The following UPF3A variants were observed in gnomAD, a reference collection of about 807,000 sequenced individuals.
The protein encoded by UPF3A is UPF3A regulator of nonsense mediated mRNA decay.
Under a neutral mutation model 53.5 loss-of-function variants are expected in UPF3A, and 42 were observed. The ratio of observed to expected loss-of-function variants is 0.78; its 90% CI spans 0.61 to 1.01. UPF3A has a LOEUF of 1.01. Among genes scored for constraint, UPF3A ranks in the 50% least tolerant of loss-of-function variants. The pLI is 0.00. For missense variants in UPF3A, 575 were observed against 598.0 expected (o/e 0.96, Z 0.40); for synonymous variants, 237 against 225.3 (o/e 1.05, Z -0.47).
Position 114,281,848 on chromosome 13 carries a change from T to C in UPF3A, c.207+2T>C, listed in dbSNP as rs1594736201. The C allele has an allele frequency of 8.8e-6, 12 of 1,370,530 alleles. No individual in the cohort carries two copies. The highest frequency in any genetic ancestry group is 1.2e-5 in the Non-Finnish European group (12 of 1,042,632). 84.9% of individuals were successfully genotyped at this position (1,370,530 alleles called of 1,614,324 possible). A position where few individuals can be genotyped will look rare whatever the true frequency, so the allele number is the denominator to read the frequency against. On this transcript the variant is annotated splice_donor_variant, in intron 1 of 9. Transcript: ENST00000375299. LOFTEE classifies it high-confidence loss of function. ...GAGAAGAGGACGGCCCTGAGCAAGGTGGGGACGGGGGCGGGGCGCGCAAAC... is the reference window on the plus strand; with the variant it reads ...GAGAAGAGGACGGCCCTGAGCAAGGCGGGGACGGGGGCGGGGCGCGCAAAC...
At chr13:114,299,524 T>C (rs559371372) in intron 8 of UPF3A, among the ~76,000 whole-genome samples, 1 of 152,390 alleles carries the variant, frequency 6.6e-6, no homozygotes, top group Non-Finnish European at 1.5e-5. Context: ...CTCCTCTGGC[T>C]GTGGATCTTG....
At chr13:114,283,776 TCTC>T (rs1452880642) in intron 3 of UPF3A, 1 of 985,600 alleles carries the variant, frequency 1.0e-6, no homozygotes, top group Non-Finnish European at 1.2e-6. Context: ...TTCCTTCTCT[TCTC>T]CTGTCAGGCT....
intron 3 of UPF3A, among the ~76,000 whole-genome samples, chr13:114,284,724 A>G (rs1404696264): frequency 3.3e-5 from 5 of 151,762 alleles, no homozygotes; most frequent in African/African-American, 1.2e-4. Context: ...CACAAAATTT[A>G]TACCATACTG....
At chr13:114,295,442 G>GCGTGCTCCCCAGCTCGTCTCCAGCGGC (rs1340172230) in intron 7 of UPF3A, among the ~76,000 whole-genome samples, 1 of 46,862 alleles carries the variant, frequency 2.1e-5, no homozygotes, top group Non-Finnish European at 4.4e-5. Context: ...TGGCCTGCTG[G>GCGTGCTCCCCAGCTCGTCTCCAGCGGC]TTTCTCATGA....
In UPF3A at chr13:114,300,931, G is replaced by A. The variant is rs113187827; in HGVS notation, c.1008-800G>A. On this transcript the variant is annotated intron_variant, in intron 8 of 9. Transcript: ENST00000375299. ...CTCAAATGATCTGCCTGCCCCTGGCGTCCCAGAGTGCTGGGATTACAGGCA... is the reference window on the plus strand; with the variant it reads ...CTCAAATGATCTGCCTGCCCCTGGCATCCCAGAGTGCTGGGATTACAGGCA... Among the ~76,000 whole-genome samples, 200 of 149,888 alleles carry A rather than the reference G, an allele frequency of 1.3e-3. 2 individuals carry two copies. The highest frequency in any genetic ancestry group is 2.5e-3 in the Non-Finnish European group (166 of 67,720).
chr13:114,298,713 T>C, intron 7 of UPF3A, 127 bp from the exon 8 acceptor site: 1 of 977,240 alleles, frequency 1.0e-6, no homozygotes, highest in Non-Finnish European at 1.4e-6. Flanking sequence ...TTTGGACCTT[T>C]AGCTTTAATT....
chr13:114,291,814 C>CT, intron 7 of UPF3A, 22 bp downstream of exon 7: 1 of 1,564,412 alleles, frequency 6.4e-7, no homozygotes. Flanking sequence ...GAAACATTTC[C>CT]TTTTTCCAAA....
intron 7 of UPF3A, among the ~76,000 whole-genome samples, chr13:114,297,449 T>G (rs1404774148): frequency 6.6e-6 from 1 of 152,210 alleles, no homozygotes; most frequent in African/African-American, 2.4e-5. Context: ...TTTTTTTTCC[T>G]TATTACAAAA....
rs917678399 is a variant in UPF3A, at chr13:114,282,364, T to C, written c.314+237T>C. On this transcript the variant is annotated intron_variant, in intron 2 of 9. Transcript: ENST00000375299. The stretch of plus-strand genomic sequence containing the variant: ...GGATGATTTTCAGACGGCTAACGCT[T>C]AGGAAAGCGGGTGCCTTTGAAAGGA... 2.8e-6 allele frequency: 3 copies of C among 1,090,376 alleles called. No homozygotes were observed. In the African/African-American group the frequency reaches 5.0e-5, roughly 18 times the overall value. 67.5% of individuals were successfully genotyped at this position (1,090,376 alleles called of 1,614,324 possible).
chr13:114,290,684 G>A (rs1407507972), intron 5 of UPF3A, among the ~76,000 whole-genome samples: 1 of 151,738 alleles, frequency 6.6e-6, no homozygotes, highest in African/African-American at 2.4e-5. Context: ...TGCCTTTTCT[G>A]CAATCAGCAG....
At position 114,291,717 on chromosome 13, in the gene UPF3A, A is replaced by T; in HGVS notation, c.771A>T (p.Arg257Ser). 6.2e-7 allele frequency: 1 copy of T among 1,601,524 alleles called. No individual in the cohort carries two copies. Among genetic ancestry groups the T allele is most frequent in the Non-Finnish European group, 8.5e-7 (1 of 1,171,280 alleles). Residue 257 changes from arginine to serine, a missense_variant, in exon 7 of 10, where the codon AGA becomes AGT. Transcript: ENST00000375299. ...KRLREEEKRR[R>S]REEERCKKKE... ...TGCGGGAAGAGGAAAAAAGAAGAAG[A>T]AGAGAAGAAGAAAGATGCAAAAAAA...
Position 114,305,019 on chromosome 13 carries a change from A to C in UPF3A, c.*102A>C, listed in dbSNP as rs747626377. The C allele has an allele frequency of 1.4e-6, 2 of 1,437,428 alleles. No homozygotes were observed. The highest frequency in any genetic ancestry group is 2.5e-5 in the South Asian group (2 of 81,102). The allele number at this position is 1,437,428 out of a possible 1,614,324, so 89.0% of individuals were successfully genotyped here. A position where few individuals can be genotyped will look rare whatever the true frequency, so the allele number is the denominator to read the frequency against. On this transcript the variant is annotated 3_prime_UTR_variant, in exon 10 of 10. Coordinates refer to ENST00000375299, the MANE Select transcript of UPF3A (RefSeq NM_023011.4). ...GAAGGAGAACTTATTCCTTACCAGG[A>C]AACTGGAAGCTAAAAATACAGAGGG...
intron 3 of UPF3A, chr13:114,284,980 G>A (rs1213053111): frequency 6.6e-6 from 1 of 152,254 alleles, no homozygotes; most frequent in Non-Finnish European, 1.5e-5. Context: ...GCCTAAGCCT[G>A]TGCTTTTGAT....
intron 7 of UPF3A, among the ~76,000 whole-genome samples, chr13:114,296,731 TG>T (rs1283530979): frequency 1.3e-5 from 2 of 152,094 alleles, no homozygotes; most frequent in East Asian, 3.9e-4. Context: ...CCTTGACCCG[TG>T]GGTTCTGGTG....
intron 3 of UPF3A, chr13:114,286,047 C>G (rs1355604745): frequency 2.2e-6 from 1 of 451,650 alleles, no homozygotes; most frequent in African/African-American, 2.0e-5. Context: ...AGTAAATGTT[C>G]TTCTTACCAG....
chr13:114,285,405 G>A (rs2084581600), intron 3 of UPF3A: 1 of 152,306 alleles, frequency 6.6e-6, no homozygotes, highest in Non-Finnish European at 1.5e-5. Context: ...TGTGGGTGGA[G>A]CGGTGACTTG....
At position 114,281,629 on chromosome 13, in the gene UPF3A, G is replaced by C. The variant is rs780875910; in HGVS notation, c.-11G>C. 1.4e-6 allele frequency: 2 copies of C among 1,430,480 alleles called. No individual in the cohort carries two copies. Among genetic ancestry groups the C allele is most frequent in the Non-Finnish European group, 1.8e-6 (2 of 1,092,266 alleles). The allele number at this position is 1,430,480 out of a possible 1,614,324, so 88.6% of individuals were successfully genotyped here. On this transcript the variant is annotated 5_prime_UTR_variant, in exon 1 of 10. Coordinates refer to ENST00000375299, the MANE Select transcript of UPF3A (RefSeq NM_023011.4). ...GGGGGCTGGCGGCTGCGGCTCGGCG[G>C]AGAGTGCGGCATGCGCTCGGAAAAG... is the stretch of plus-strand genomic sequence containing the variant.
rs760478961 is a variant in UPF3A, at chr13:114,282,915, T to G, written c.393T>G (p.Phe131Leu). 1.2e-6 allele frequency: 2 copies of G among 1,611,596 alleles called. No homozygotes were observed. The highest frequency in any genetic ancestry group is 1.7e-6 in the Non-Finnish European group (2 of 1,178,082). ...ACATCCTTCTTTTTAGAGATCGTTTTGATGGATATATCTTCCTTGACAGCA... is the reference window on the plus strand; with the variant it reads ...ACATCCTTCTTTTTAGAGATCGTTTGGATGGATATATCTTCCTTGACAGCA... ...PDDILLFRDR[F>L]DGYIFLDSKG... Residue 131 changes from phenylalanine to leucine, a missense_variant, in exon 3 of 10, where the codon TTT (phenylalanine) becomes TTG (leucine). Physicochemically the swap from Phe to Leu is conservative, Grantham distance 22. Transcript: ENST00000375299.
At chr13:114,282,611 G>A (rs933567529) in intron 2 of UPF3A, 1 of 985,478 alleles carries the variant, frequency 1.0e-6, no homozygotes, top group Non-Finnish European at 1.2e-6. Flanking sequence ...AGCCTCGGAG[G>A]ACCGGTTCTG....
Sources: gnomAD v4.1 joint callset for allele counts (sites outside exome capture counted in the v4.1 genomes callset) on GRCh38, gnomAD v4.1.1 for gene constraint, MANE v1.5 for transcripts, NCBI Gene and HGNC (gene_info 2026-07-23, HGNC 2026-07-21) for gene names.